The following NCOA2 variants were observed in gnomAD, a reference collection of about 807,000 sequenced individuals.
NCOA2 encodes class E basic helix-loop-helix protein 75.
Under a neutral mutation model 145.1 loss-of-function variants are expected in NCOA2, and 21 were observed. That is an observed-to-expected ratio of 0.14 (90% confidence interval 0.10 to 0.21). The LOEUF is 0.21. Ranked by LOEUF, NCOA2 falls within the 10% of genes least tolerant of loss-of-function variation. The pLI is 1.00. For missense variants in NCOA2, 1,472 were observed against 1,837.6 expected (o/e 0.80, Z 3.64); for synonymous variants, 619 against 637.5 (o/e 0.97, Z 0.44).
At chr8:70,174,632 C>T in intron 5 of NCOA2, 124 bp downstream of exon 5, 2 of 855,826 alleles carry the variant, frequency 2.3e-6, no homozygotes, top group Non-Finnish European at 3.8e-6. Flanking sequence ...TCAGCAAGCT[C>T]AAGAGGTCCA....
At chr8:70,299,159 T>C (rs1827310089) in intron 1 of NCOA2, among the ~76,000 whole-genome samples, 2 of 152,198 alleles carry the variant, frequency 1.3e-5, no homozygotes, top group Admixed American at 1.3e-4. Context: ...GGTGTAACAT[T>C]TTAAACAAAA....
chr8:70,178,593 G>C (rs1815125875), intron 4 of NCOA2, among the ~76,000 whole-genome samples: 2 of 152,168 alleles, frequency 1.3e-5, no homozygotes, highest in Admixed American at 1.3e-4. Context: ...GGGAAGCAAA[G>C]TGAAAAATCC....
intron 2 of NCOA2, among the ~76,000 whole-genome samples, chr8:70,280,568 C>A (rs1399730651): frequency 1.3e-5 from 2 of 152,062 alleles, no homozygotes; most frequent in Non-Finnish European, 2.9e-5. Flanking sequence ...TAGGATAGAA[C>A]CAGTTTTTCT....
intron 4 of NCOA2, among the ~76,000 whole-genome samples, chr8:70,191,886 C>T (rs559921515): frequency 2.0e-5 from 3 of 152,040 alleles, no homozygotes; most frequent in Admixed American, 6.5e-5. Context: ...ACTAAAAATA[C>T]AAAAATTAGC....
intron 2 of NCOA2, among the ~76,000 whole-genome samples, chr8:70,281,356 A>G (rs1220241643): frequency 4.3e-3 from 202 of 47,116 alleles, no homozygotes; most frequent in African/African-American, 0.03. Flanking sequence ...ACCCTGTCTC[A>G]AAAAAAAAAA....
the NCOA2 span, among the ~76,000 whole-genome samples, chr8:70,426,280 A>G: frequency 1.3e-5 from 2 of 152,236 alleles, no homozygotes; most frequent in South Asian, 4.1e-4. Flanking sequence ...ATATGACACT[A>G]TTTTTGTGAC....
At chr8:70,377,672 T>C (rs1811801541) in intron 1 of NCOA2, among the ~76,000 whole-genome samples, 1 of 152,152 alleles carries the variant, frequency 6.6e-6, no homozygotes, top group Non-Finnish European at 1.5e-5. Context: ...AAAGAATGTT[T>C]CCCATTTCCA....
chr8:70,432,714 C>T, the NCOA2 span, among the ~76,000 whole-genome samples: 1 of 151,878 alleles, frequency 6.6e-6, no homozygotes, highest in Non-Finnish European at 1.5e-5. Context: ...CTAGGGTTCA[C>T]TCACAAAAAC....
chr8:70,441,331 A>C, the NCOA2 span, among the ~76,000 whole-genome samples: 19 of 150,450 alleles, frequency 1.3e-4, no homozygotes, highest in African/African-American at 4.4e-4. Context: ...AGAGAGAAAG[A>C]AAGAGGAAAG....
chr8:70,258,185 G>A (rs1482663595), intron 2 of NCOA2, among the ~76,000 whole-genome samples: 1 of 152,154 alleles, frequency 6.6e-6, no homozygotes, highest in African/African-American at 2.4e-5. Context: ...CCAAAGTGCT[G>A]GGATTACAGG....
At chr8:70,257,765 C>T (rs1345871531) in intron 2 of NCOA2, among the ~76,000 whole-genome samples, 1 of 151,968 alleles carries the variant, frequency 6.6e-6, no homozygotes, top group African/African-American at 2.4e-5. Flanking sequence ...AACTTTTTCC[C>T]TGTTGTCCCT....
chr8:70,371,361 T>C lies in NCOA2; in HGVS notation c.-77+32339A>G, dbSNP rs114781782. ...AACGTACACCTGAAAATGGTTAAGA[T>C]AGTAAATTCTGAAATGTCTTTTTCT... On this transcript the variant is annotated intron_variant, in intron 1 of 22. Coordinates refer to ENST00000452400, the MANE Select transcript of NCOA2 (RefSeq NM_006540.4). 5.9e-3 allele frequency among the ~76,000 whole-genome samples: 892 copies of C among 152,184 alleles called. 5 individuals carry two copies. The highest frequency in any genetic ancestry group is 0.02 in the African/African-American group (827 of 41,510).
At chr8:70,417,376 C>A in the NCOA2 span, among the ~76,000 whole-genome samples, 1 of 151,720 alleles carries the variant, frequency 6.6e-6, no homozygotes, top group Non-Finnish European at 1.5e-5. Context: ...CAGTGAAACC[C>A]CATCTCTACT....
intron 1 of NCOA2, among the ~76,000 whole-genome samples, chr8:70,335,343 C>T (rs1807493702): frequency 6.6e-6 from 1 of 152,018 alleles, no homozygotes. Context: ...AAAAGCAGAA[C>T]TGAGCTGGTT....
At chr8:70,337,240 C>T (rs1586533792) in intron 1 of NCOA2, among the ~76,000 whole-genome samples, 1 of 147,928 alleles carries the variant, frequency 6.8e-6, no homozygotes, top group Non-Finnish European at 1.5e-5. Context: ...TGGTGTAACA[C>T]AGCTGCCACA....
chr8:70,123,869 T>C lies in NCOA2; in HGVS notation c.4293+15A>G, dbSNP rs764182454. 3.4e-5 allele frequency: 54 copies of C among 1,586,332 alleles called. No homozygotes were observed. Among genetic ancestry groups the C allele is most frequent in the Middle Eastern group, 1.7e-4 (1 of 5,850 alleles). On this transcript the variant is annotated intron_variant, in intron 21 of 22. Transcript: ENST00000452400. ...TGATATGAAGCCACTGGGTTGCTTC[T>C]CCTTGGGCACTCACCTGCTCGGGAC...
intron 2 of NCOA2, among the ~76,000 whole-genome samples, chr8:70,223,377 T>C (rs758100337): frequency 7.2e-5 from 11 of 152,230 alleles, no homozygotes; most frequent in Non-Finnish European, 1.2e-4. Flanking sequence ...AGAGTGTTTT[T>C]ATCATTTGAG....
chr8:70,303,706 T>A (rs370001943), intron 1 of NCOA2, among the ~76,000 whole-genome samples: 1 of 152,184 alleles, frequency 6.6e-6, no homozygotes, highest in African/African-American at 2.4e-5. Flanking sequence ...GCTGGACTAG[T>A]AATTTTTAAA....
intron 14 of NCOA2, among the ~76,000 whole-genome samples, chr8:70,139,047 T>C (rs906009614): frequency 5.9e-5 from 9 of 152,250 alleles, no homozygotes; most frequent in African/African-American, 1.2e-4. Context: ...CGACTAACTG[T>C]ACTTCAGCTG....
Sources: gnomAD v4.1 joint callset for allele counts (sites outside exome capture counted in the v4.1 genomes callset) on GRCh38, gnomAD v4.1.1 for gene constraint, MANE v1.5 for transcripts, NCBI Gene and HGNC (gene_info 2026-07-23, HGNC 2026-07-21) for gene names.